Variants in PROZ observed in about 807,000 individuals in gnomAD.
PROZ encodes protein Z, vitamin K dependent plasma glycoprotein, also known as vitamin K-dependent protein Z.
PROZ carries 46 observed loss-of-function variants against 34.9 expected under a neutral mutation model. That is an observed-to-expected ratio of 1.32 (90% CI 1.04 to 1.69). PROZ has a LOEUF of 1.69. PROZ is among the 40% of genes most tolerant of loss of function. PROZ has a pLI of 0.00. For missense variants in PROZ, 530 were observed against 520.4 expected (o/e 1.02, Z -0.18); for synonymous variants, 195 against 208.5 (o/e 0.94, Z 0.56).
At position 113,159,209 on chromosome 13, in the gene PROZ, G is replaced by A. The variant is rs566049123; in HGVS notation, c.70+479G>A. 5 of 1,545,754 alleles carry A rather than the reference G, an allele frequency of 3.2e-6. No individual in the cohort carries two copies. The highest frequency in any genetic ancestry group is 2.4e-5 in the East Asian group (1 of 40,902). On this transcript the variant is annotated intron_variant, in intron 1 of 7. Transcript: ENST00000375547. The surrounding 1 kb of genome is among the most constrained non-coding windows in gnomAD (Gnocchi z 4.6). ...CCCTTCTACCACCAGCCACTTCACT[G>A]AAGGAACGACATGGACTCCATTCTG...
rs1595105213 is a variant in PROZ, at chr13:113,159,378, C to CTGGG, written c.71-636_71-635insTGGG. The CTGGG allele has an allele frequency of 3.5e-6, 4 of 1,135,722 alleles. No individual in the cohort carries two copies. In the East Asian group the frequency reaches 1.0e-4, roughly 29 times the overall value. 70.4% of individuals were successfully genotyped at this position (1,135,722 alleles called of 1,614,324 possible). ...CTGCCCTGCCCAGCACTTACCGTAG[C>CTGGG]CGGACTTAGCTGAGCCCCCCCTGCT... is the stretch of plus-strand genomic sequence containing the variant. On this transcript the variant is annotated intron_variant, in intron 1 of 7. Coordinates refer to ENST00000375547, the MANE Select transcript of PROZ (RefSeq NM_003891.3). This position sits in a 1 kb window ranked among gnomAD's most constrained non-coding sequence, Gnocchi z 4.6.
rs559678360 is a variant in PROZ, at chr13:113,166,698, T to C, written c.573+1578T>C. ...CTTCCTCTCAATCTTTTATCACTTT[T>C]CCTGCCCAAGCTTTCTAAGACAGTT... On this transcript the variant is annotated intron_variant, in intron 6 of 7. Transcript: ENST00000375547. Among the ~76,000 whole-genome samples the C allele has an allele frequency of 1.3e-4, 20 of 152,354 alleles. No homozygotes were observed. In the Middle Eastern group the frequency reaches 0.01, roughly 78 times the overall value.
At chr13:113,162,875 C>T in intron 3 of PROZ, 134 bp from the exon 4 acceptor site, 1 of 666,676 alleles carries the variant, frequency 1.5e-6, no homozygotes, top group Non-Finnish European at 2.7e-6. Context: ...GTGCTCAGGT[C>T]CCCGTCCCTG....
chr13:113,170,668 C>CATAA (rs2037084659), intron 7 of PROZ, 138 bp downstream of exon 7: 4 of 655,610 alleles, frequency 6.1e-6, no homozygotes, highest in Non-Finnish European at 1.1e-5. Flanking sequence ...AACTGAGATA[C>CATAA]TTATCAACTC....
rs748363229 is a variant in PROZ at position 113,171,965 on chromosome 13, A to T, written c.1063A>T (p.Ser355Cys). The change falls in exon 8 of 8, where the codon AGT becomes TGT. Residue 355 changes from serine (S) to cysteine (C), a missense_variant. By Grantham distance (112) the Ser-to-Cys change is moderately radical. Coordinates refer to ENST00000375547, the MANE Select transcript of PROZ (RefSeq NM_003891.3). The surrounding 1 kb of genome is among the most constrained non-coding windows in gnomAD (Gnocchi z 5.1). ...SVAAMHWMDGSVVTREHRGSW... is the reference protein window; with the variant it reads ...SVAAMHWMDGCVVTREHRGSW... Reference sequence around the variant, plus strand: ...GGCGGCCATGCACTGGATGGATGGAAGTGTGGTCACCAGAGAACACAGAGG... The same window carrying T: ...GGCGGCCATGCACTGGATGGATGGATGTGTGGTCACCAGAGAACACAGAGG... 1 of 1,613,524 alleles carries T rather than the reference A, an allele frequency of 6.2e-7. No homozygotes were observed. The highest frequency in any genetic ancestry group is 1.1e-5 in the South Asian group (1 of 91,076).
rs2037109437 is a variant in PROZ at position 113,171,477 on chromosome 13, G to T, written c.692-117G>T. ...GTCCACACCACGGGGCGGTGAGCCT[G>T]CGGGTCCTCCAGGGCCGGTCTCTCC... On this transcript the variant is annotated intron_variant, in intron 7 of 7. Transcript: ENST00000375547. The surrounding 1 kb of genome is among the most constrained non-coding windows in gnomAD (Gnocchi z 5.1). 2.3e-6 allele frequency: 3 copies of T among 1,320,994 alleles called. No individual in the cohort carries two copies. The highest frequency in any genetic ancestry group is 1.8e-4 in the Middle Eastern group (1 of 5,498). The allele number at this position is 1,320,994 out of a possible 1,614,324, so 81.8% of individuals were successfully genotyped here. A position where few individuals can be genotyped will look rare whatever the true frequency, so the allele number is the denominator to read the frequency against.
intron 4 of PROZ, among the ~76,000 whole-genome samples, chr13:113,164,048 A>G (rs768507484): frequency 6.6e-6 from 1 of 150,464 alleles, no homozygotes; most frequent in African/African-American, 2.5e-5. Context: ...ACGCGATGTC[A>G]GCTCACTGCA....
rs200128292 is a variant in PROZ at position 113,164,491 on chromosome 13, CTT to C, written c.374-11_374-10del. ...ATGACTATTTCCAAGCTAGCATTTC[CTT>C]TTTTTTTTTTCCTTTTCAGCTAAAA... On this transcript the variant is annotated intron_variant, in intron 4 of 7. Transcript: ENST00000375547. 9 of 1,463,426 alleles carry C rather than the reference CTT, an allele frequency of 6.1e-6. No homozygotes were observed. The highest frequency in any genetic ancestry group is 7.3e-6 in the Non-Finnish European group (8 of 1,101,862). 90.7% of individuals were successfully genotyped at this position (1,463,426 alleles called of 1,614,324 possible). A position where few individuals can be genotyped will look rare whatever the true frequency, so the allele number is the denominator to read the frequency against.
In PROZ at chr13:113,172,179, G is replaced by A. The variant is rs190663977; in HGVS notation, c.*74G>A. On this transcript the variant is annotated 3_prime_UTR_variant, in exon 8 of 8. Transcript: ENST00000375547. ...CAAGCTGGCACTGCCACTGTGGAGG[G>A]CGCTGAAACTTCATCACACACTGAG... is the stretch of plus-strand genomic sequence containing the variant. The A allele has an allele frequency of 1.7e-4, 259 of 1,568,092 alleles. No individual in the cohort carries two copies. The African/African-American group carries it at 3.2e-3, about 19-fold the overall frequency.
intron 6 of PROZ, among the ~76,000 whole-genome samples, chr13:113,166,851 G>T (rs891903562): frequency 4.6e-5 from 7 of 152,114 alleles, no homozygotes. Context: ...CAGCTTCCCA[G>T]CTTACCCAAG....
At chr13:113,164,886 T>C (rs970438457) in intron 5 of PROZ, 167 bp from the exon 6 acceptor site, 1 of 949,514 alleles carries the variant, frequency 1.1e-6, no homozygotes, top group African/African-American at 1.6e-5. Context: ...GTGGTTTAAC[T>C]CCAGTCTGTG....
intron 6 of PROZ, among the ~76,000 whole-genome samples, chr13:113,169,547 T>C (rs1334134069): frequency 6.6e-6 from 1 of 152,260 alleles, no homozygotes; most frequent in Non-Finnish European, 1.5e-5. Flanking sequence ...ACTTGGATAT[T>C]GTCCTAGGAC....
intron 6 of PROZ, among the ~76,000 whole-genome samples, chr13:113,165,817 C>T (rs1253947616): frequency 6.6e-6 from 1 of 152,234 alleles, no homozygotes; most frequent in African/African-American, 2.4e-5. Context: ...AGGCGTGAGC[C>T]ACCACGCCTG....
At position 113,159,244 on chromosome 13, in the gene PROZ, G is replaced by C. The variant is rs1336998533; in HGVS notation, c.70+514G>C. 3 of 1,548,902 alleles carry C rather than the reference G, an allele frequency of 1.9e-6. No individual in the cohort carries two copies. In the South Asian group the frequency reaches 3.6e-5, roughly 18 times the overall value. On this transcript the variant is annotated intron_variant, in intron 1 of 7. Transcript: ENST00000375547. The surrounding 1 kb of genome is among the most constrained non-coding windows in gnomAD (Gnocchi z 4.6). ...CATGGACTCCATTCTGACTCTGCCT[G>C]CACAGGCGTCCAGGAAAGCTGCAAG...
At chr13:113,170,088 C>T (rs2037064306) in intron 6 of PROZ, among the ~76,000 whole-genome samples, 1 of 152,178 alleles carries the variant, frequency 6.6e-6, no homozygotes, top group Non-Finnish European at 1.5e-5. Context: ...GATTACGATT[C>T]CTGAAAACCA....
Position 113,171,455 on chromosome 13 carries a change from C to A in PROZ, c.692-139C>A. On this transcript the variant is annotated intron_variant, in intron 7 of 7. Transcript: ENST00000375547. The surrounding 1 kb of genome is among the most constrained non-coding windows in gnomAD (Gnocchi z 5.1). The stretch of plus-strand genomic sequence containing the variant: ...TCTGTCCGCAGAAAGGCACAGTGTC[C>A]ACACCACGGGGCGGTGAGCCTGCGG... 1 of 1,007,854 alleles carries A rather than the reference C, an allele frequency of 9.9e-7. No individual in the cohort carries two copies. Among genetic ancestry groups the A allele is most frequent in the Non-Finnish European group, 1.5e-6 (1 of 677,984 alleles). 62.4% of individuals were successfully genotyped at this position (1,007,854 alleles called of 1,614,324 possible).
At chr13:113,161,532 C>T (rs890570074) in intron 3 of PROZ, among the ~76,000 whole-genome samples, 1 of 152,188 alleles carries the variant, frequency 6.6e-6, no homozygotes, top group East Asian at 1.9e-4. Flanking sequence ...CAGACAAGCA[C>T]GGGGACAACT....
chr13:113,161,247 G>T (rs2036754430), intron 3 of PROZ, among the ~76,000 whole-genome samples: 1 of 152,242 alleles, frequency 6.6e-6, no homozygotes. Flanking sequence ...CCACAGGCCA[G>T]GAGGGCCCCC....
intron 6 of PROZ, among the ~76,000 whole-genome samples, chr13:113,169,234 A>G (rs749563222): frequency 1.3e-5 from 2 of 152,184 alleles, no homozygotes; most frequent in Admixed American, 6.5e-5. Context: ...GCAATGTCTA[A>G]TCTGCCATTC....
Sources: allele counts gnomAD v4.1 joint callset (sites outside exome capture counted in the v4.1 genomes callset), GRCh38; gene constraint gnomAD v4.1.1; non-coding constraint Gnocchi (gnomAD v3.1); transcripts MANE v1.5; gene names NCBI Gene and HGNC (gene_info 2026-07-23, HGNC 2026-07-21).